The following OLFM3 variants were observed in gnomAD, a reference collection of about 807,000 sequenced individuals.
OLFM3 encodes the protein olfactomedin 3.
OLFM3 carries 20 observed loss-of-function variants against 48.6 expected under a neutral mutation model. The observed-to-expected ratio is 0.41, with a 90% CI of 0.29 to 0.60. OLFM3 has a LOEUF of 0.60. Ranked by LOEUF, OLFM3 falls within the 20% of genes least tolerant of loss-of-function variation. The probability of loss-of-function intolerance (pLI) is 0.28; values close to 1 mark genes in which losing one functional copy is unlikely to be tolerated. For synonymous variants in OLFM3, 222 were observed against 198.1 expected (o/e 1.12, Z -1.01); for missense variants, 437 against 544.3 (o/e 0.80, Z 1.96).
intron 1 of OLFM3, among the ~76,000 whole-genome samples, chr1:101,854,033 A>C (rs947732940): frequency 6.6e-6 from 1 of 152,036 alleles, no homozygotes; most frequent in African/African-American, 2.4e-5. Context: ...CTAATAGCAT[A>C]GGGGTGGCAG....
chr1:101,959,909 T>C (rs767258958), intron 1 of OLFM3, among the ~76,000 whole-genome samples: 8 of 152,230 alleles, frequency 5.3e-5, no homozygotes, highest in Non-Finnish European at 1.0e-4. Context: ...TTCTTTATAC[T>C]GACCCCTAAT....
At chr1:101,950,270 C>A (rs1033496907) in intron 1 of OLFM3, among the ~76,000 whole-genome samples, 1 of 152,110 alleles carries the variant, frequency 6.6e-6, no homozygotes, top group East Asian at 1.9e-4. Context: ...AACACCCATC[C>A]TCTTGCTTTC....
chr1:101,881,507 C>T (rs538512145), intron 1 of OLFM3, among the ~76,000 whole-genome samples: 9 of 151,682 alleles, frequency 5.9e-5, no homozygotes, highest in Non-Finnish European at 1.0e-4. Context: ...ATTTGCCTGC[C>T]GTATAATAAT....
intron 1 of OLFM3, among the ~76,000 whole-genome samples, chr1:101,858,904 T>A (rs11164316): frequency 0.52 from 79,686 of 151,820 alleles, 21,748 homozygotes; most frequent in African/African-American, 0.64. Context: ...ATACAGTCAT[T>A]AACTGTTAGT....
At chr1:101,844,490 G>T (rs1655886199) in intron 1 of OLFM3, among the ~76,000 whole-genome samples, 1 of 152,152 alleles carries the variant, frequency 6.6e-6, no homozygotes, top group Non-Finnish European at 1.5e-5. Flanking sequence ...CATGTAACTT[G>T]GTTCCACACT....
At chr1:101,882,456 C>T (rs1657571911) in intron 1 of OLFM3, 1 of 151,370 alleles carries the variant, frequency 6.6e-6, no homozygotes, top group Non-Finnish European at 1.5e-5. Flanking sequence ...AAATCTTTAA[C>T]TAAGCCATCT....
chr1:101,957,421 A>G lies in OLFM3; in HGVS notation c.69+39327T>C, dbSNP rs1660331402. Among the ~76,000 whole-genome samples, 4 of 151,990 alleles carry G rather than the reference A, an allele frequency of 2.6e-5. No homozygotes were observed. The South Asian group carries it at 8.3e-4, about 31-fold the overall frequency. ...ATTTGTGCTGCTGGTGTTTTGGATTAGGATGGGATGGCAAAAATGGGAAAA... is the reference window on the plus strand; with the variant it reads ...ATTTGTGCTGCTGGTGTTTTGGATTGGGATGGGATGGCAAAAATGGGAAAA... On this transcript the variant is annotated intron_variant, in intron 1 of 5. Transcript: ENST00000370103.
At chr1:101,908,248 A>T (rs1658618823) in intron 1 of OLFM3, among the ~76,000 whole-genome samples, 1 of 152,250 alleles carries the variant, frequency 6.6e-6, no homozygotes, top group East Asian at 1.9e-4. Context: ...TAGTAAGAGG[A>T]ATTAAATCCT....
At chr1:101,954,229 C>CA in intron 1 of OLFM3, among the ~76,000 whole-genome samples, 1 of 152,070 alleles carries the variant, frequency 6.6e-6, no homozygotes, top group East Asian at 1.9e-4. Flanking sequence ...AATTATAACC[C>CA]AAAAGCAAAT....
At chr1:101,974,405 A>G (rs533406545) in intron 1 of OLFM3, among the ~76,000 whole-genome samples, 96 of 152,280 alleles carry the variant, frequency 6.3e-4, no homozygotes, top group Admixed American at 2.0e-3. Flanking sequence ...TCTTTATATC[A>G]TTCCTCAGAT....
At chr1:101,910,750 C>T (rs1658733120) in intron 1 of OLFM3, among the ~76,000 whole-genome samples, 1 of 152,056 alleles carries the variant, frequency 6.6e-6, no homozygotes, top group Non-Finnish European at 1.5e-5. Context: ...TTGTACAGAT[C>T]CTAAAATAGC....
chr1:101,970,293 A>G (rs138746755), intron 1 of OLFM3, among the ~76,000 whole-genome samples: 4,102 of 152,318 alleles, frequency 0.027, 69 homozygotes, highest in Admixed American at 0.034. Context: ...CTGGGATTAC[A>G]GGCATGAGCC....
rs58580909 is a variant in OLFM3, at chr1:101,847,756, C to T, written c.70-10731G>A. ...GCTTTGCTTCGTAGGTGTTCAGTCACACAGGAAACTCAGTTAACTCTATTT... is the reference window on the plus strand; with the variant it reads ...GCTTTGCTTCGTAGGTGTTCAGTCATACAGGAAACTCAGTTAACTCTATTT... On this transcript the variant is annotated intron_variant, in intron 1 of 5. Transcript: ENST00000370103. Among the ~76,000 whole-genome samples, 16 of 152,270 alleles carry T rather than the reference C, an allele frequency of 1.1e-4. No homozygotes were observed. In the East Asian group the frequency reaches 2.1e-3, roughly 20 times the overall value.
Position 101,831,415 on chromosome 1 carries a change from A to C in OLFM3, c.217-588T>G, listed in dbSNP as rs549591679. ...GGACCTGGAAAAGGGTAACTGCATC[A>C]AGTGCTTGGTAGACAGGACTTAAAC... is the stretch of plus-strand genomic sequence containing the variant. On this transcript the variant is annotated intron_variant, in intron 2 of 5. Transcript: ENST00000370103. Among the ~76,000 whole-genome samples, 13 of 152,306 alleles carry C rather than the reference A, an allele frequency of 8.5e-5. No individual in the cohort carries two copies. In the South Asian group the frequency reaches 2.1e-3, roughly 24 times the overall value.
intron 1 of OLFM3, among the ~76,000 whole-genome samples, chr1:101,989,587 AT>A (rs897978175): frequency 9.2e-5 from 14 of 151,398 alleles, no homozygotes; most frequent in African/African-American, 2.2e-4. Flanking sequence ...TTCCTTTTGT[AT>A]TTTTTTTTAC....
chr1:101,991,668 TA>T (rs1281476051), intron 1 of OLFM3, among the ~76,000 whole-genome samples: 1 of 151,172 alleles, frequency 6.6e-6, no homozygotes, highest in Non-Finnish European at 1.5e-5. Flanking sequence ...GACTTTCAGT[TA>T]AATAAAATAC....
At chr1:101,805,969 A>G in intron 5 of OLFM3, 107 bp downstream of exon 5, 1 of 665,536 alleles carries the variant, frequency 1.5e-6, no homozygotes, top group Non-Finnish European at 2.5e-6. Context: ...ATTATGTACC[A>G]GTTTTCAAGT....
intron 1 of OLFM3, among the ~76,000 whole-genome samples, chr1:101,990,205 T>C (rs1661360489): frequency 6.6e-6 from 1 of 152,172 alleles, no homozygotes; most frequent in Admixed American, 6.5e-5. Flanking sequence ...TGTAAACTTG[T>C]AAGGTGACAA....
At chr1:101,980,547 C>T (rs1661080382) in intron 1 of OLFM3, among the ~76,000 whole-genome samples, 1 of 152,182 alleles carries the variant, frequency 6.6e-6, no homozygotes, top group South Asian at 2.1e-4. Flanking sequence ...GCCCACCTCT[C>T]CTTTGCCTTC....
Sources: allele counts gnomAD v4.1 joint callset (sites outside exome capture counted in the v4.1 genomes callset), GRCh38; gene constraint gnomAD v4.1.1; transcripts MANE v1.5; gene names NCBI Gene and HGNC (gene_info 2026-07-23, HGNC 2026-07-21).